SCRG1: variants seen among roughly 807,000 people sequenced by gnomAD.
SCRG1 encodes the protein scrapie-responsive protein 1.
A neutral mutation model predicts 7.7 loss-of-function variants in SCRG1; 3 were observed. The ratio of observed to expected loss-of-function variants is 0.39; its 90% confidence interval spans 0.18 to 1.01. SCRG1 has a LOEUF of 1.01. SCRG1 is among the 50% of genes least tolerant of loss of function. SCRG1 has a pLI of 0.36. For synonymous variants in SCRG1, 46 were observed against 41.2 expected (o/e 1.12, Z -0.44); for missense variants, 110 against 117.2 (o/e 0.94, Z 0.28).
At chr4:173,391,999 A>T (rs1459800659) in intron 1 of SCRG1, among the ~76,000 whole-genome samples, 1 of 152,190 alleles carries the variant, frequency 6.6e-6, no homozygotes, top group Non-Finnish European at 1.5e-5. Context: ...CCAAAGCTAT[A>T]TATCTTTTGA....
intron 1 of SCRG1, among the ~76,000 whole-genome samples, chr4:173,394,658 T>A (rs1739548760): frequency 1.6e-5 from 2 of 123,412 alleles, no homozygotes; most frequent in Middle Eastern, 4.2e-3. Context: ...AAAAAAATTA[T>A]AATTATAAGT....
chr4:173,423,337 T>G, the SCRG1 span, among the ~76,000 whole-genome samples: 1 of 152,270 alleles, frequency 6.6e-6, no homozygotes, highest in Middle Eastern at 3.4e-3. Flanking sequence ...ACTCTTCAAG[T>G]CATTATTGTT....
chr4:173,512,589 G>A, the SCRG1 span, among the ~76,000 whole-genome samples: 1 of 152,224 alleles, frequency 6.6e-6, no homozygotes, highest in Admixed American at 6.5e-5. Flanking sequence ...AGGGGAGCAT[G>A]GGTTTGATTC....
chr4:173,409,169 G>A (rs1165750422), upstream of SCRG1, among the ~76,000 whole-genome samples: 1 of 152,064 alleles, frequency 6.6e-6, no homozygotes, highest in Non-Finnish European at 1.5e-5. Context: ...GGAGGTTTTA[G>A]GGCTTTAGTT....
the SCRG1 span, among the ~76,000 whole-genome samples, chr4:173,425,605 T>C: frequency 1.3e-5 from 2 of 152,222 alleles, no homozygotes; most frequent in Admixed American, 1.3e-4. Flanking sequence ...CTCTGTATTC[T>C]TTTAGTCCAC....
chr4:173,405,519 T>C (rs1213330505), intron 1 of SCRG1, among the ~76,000 whole-genome samples: 1 of 152,232 alleles, frequency 6.6e-6, no homozygotes, highest in Non-Finnish European at 1.5e-5. Context: ...AGTTATGCTC[T>C]ACCTCTTTGA....
the SCRG1 span, among the ~76,000 whole-genome samples, chr4:173,484,558 T>C: frequency 1.2e-5 from 1 of 84,516 alleles, no homozygotes; most frequent in East Asian, 3.4e-4. Context: ...TTATATGTTA[T>C]ATATTATGTA....
the SCRG1 span, among the ~76,000 whole-genome samples, chr4:173,433,500 G>A: frequency 4.4e-3 from 663 of 152,264 alleles, 2 homozygotes; most frequent in Admixed American, 7.3e-3. Flanking sequence ...GACATAGCCC[G>A]CCCTGTACAC....
the SCRG1 span, among the ~76,000 whole-genome samples, chr4:173,515,252 C>CT: frequency 6.6e-6 from 1 of 152,014 alleles, no homozygotes; most frequent in Non-Finnish European, 1.5e-5. This position sits in a 1 kb window ranked among gnomAD's most constrained non-coding sequence, Gnocchi z 4.6. Context: ...ATTATTACCC[C>CT]CTGCCCCCCG....
In SCRG1 at chr4:173,388,343, A is replaced by G. The variant is rs544499975; in HGVS notation, c.295T>C (p.Ter99ArgextTer32). 16 of 1,610,676 alleles carry G rather than the reference A, an allele frequency of 9.9e-6. No homozygotes were observed. The African/African-American group carries it at 1.6e-4, about 16-fold the overall frequency. The part of the protein sequence containing the change: ...ISFVIPCNNQ[*>R] ...TTCTCCAGAATACATGAAGATTCTCATTGATTGTTGCAAGGAATCACGAAA... is the reference window on the plus strand; with the variant it reads ...TTCTCCAGAATACATGAAGATTCTCGTTGATTGTTGCAAGGAATCACGAAA... The change falls in exon 3 of 3, where the codon TGA becomes CGA. Residue 99 changes from the stop codon to arginine, a stop_lost. Transcript: ENST00000296506.
the SCRG1 span, among the ~76,000 whole-genome samples, chr4:173,485,055 T>A: frequency 2.2e-3 from 53 of 23,604 alleles, 7 homozygotes; most frequent in African/African-American, 0.01. Flanking sequence ...ATATAATATA[T>A]TATATATTAT....
the SCRG1 span, among the ~76,000 whole-genome samples, chr4:173,444,142 T>C: frequency 1.3e-5 from 2 of 151,956 alleles, no homozygotes; most frequent in African/African-American, 4.8e-5. Flanking sequence ...CCTGGCTAAT[T>C]TTTGTATTTT....
the SCRG1 span, among the ~76,000 whole-genome samples, chr4:173,456,494 TGTC>T: frequency 3.9e-5 from 6 of 152,218 alleles, no homozygotes; most frequent in African/African-American, 1.4e-4. Flanking sequence ...TTTGGTTGTC[TGTC>T]ATCACCTATA....
chr4:173,485,075 ATT>A, the SCRG1 span, among the ~76,000 whole-genome samples: 1 of 11,228 alleles, frequency 8.9e-5, no homozygotes, highest in Admixed American at 2.2e-3. Flanking sequence ...TATATTATAT[ATT>A]ATATAATATA....
At chr4:173,510,174 C>T in the SCRG1 span, among the ~76,000 whole-genome samples, 1 of 152,092 alleles carries the variant, frequency 6.6e-6, no homozygotes. The surrounding 1 kb of genome is among the most constrained non-coding windows in gnomAD (Gnocchi z 5.7). Context: ...AAAACGCTGT[C>T]CCCGGGGTGT....
chr4:173,398,824 A>C (rs1331449329), intron 1 of SCRG1, among the ~76,000 whole-genome samples: 2 of 152,184 alleles, frequency 1.3e-5, no homozygotes, highest in Non-Finnish European at 2.9e-5. Context: ...GCCTCTTTTT[A>C]AACCTGTAAT....
the SCRG1 span, among the ~76,000 whole-genome samples, chr4:173,445,411 G>A: frequency 2.6e-5 from 4 of 151,614 alleles, no homozygotes; most frequent in Non-Finnish European, 4.4e-5. Context: ...TGAAACCCCC[G>A]CCTCTACTAA....
chr4:173,413,850 C>A, the SCRG1 span, among the ~76,000 whole-genome samples: 1 of 152,182 alleles, frequency 6.6e-6, no homozygotes, highest in Non-Finnish European at 1.5e-5. Flanking sequence ...CTAGAAAGTA[C>A]ATTTCATTCA....
the SCRG1 span, among the ~76,000 whole-genome samples, chr4:173,418,917 T>C: frequency 6.6e-6 from 1 of 152,248 alleles, no homozygotes; most frequent in Non-Finnish European, 1.5e-5. Flanking sequence ...CTCCCAGTCA[T>C]GCTTCCTGTA....
Sources: gnomAD v4.1 joint callset for allele counts (sites outside exome capture counted in the v4.1 genomes callset) on GRCh38, gnomAD v4.1.1 for gene constraint, Gnocchi (gnomAD v3.1) non-coding constraint, MANE v1.5 for transcripts, NCBI Gene and HGNC (gene_info 2026-07-23, HGNC 2026-07-21) for gene names.